The following IFT122 variants were observed in gnomAD, a reference collection of about 807,000 sequenced individuals.
IFT122 encodes the protein intraflagellar transport protein 122 homolog.
In IFT122, 118 loss-of-function variants were observed where a neutral mutation model predicts 161.6. The observed-to-expected ratio is 0.73, with a 90% confidence interval of 0.63 to 0.85. IFT122 has a LOEUF of 0.85. Among genes scored for constraint, IFT122 ranks in the 40% least tolerant of loss-of-function variants. The pLI is 0.00. For synonymous variants in IFT122, 550 were observed against 602.4 expected, an observed-to-expected ratio of 0.91 and a Z score of 1.27; for missense variants, 1,381 against 1,579.6, an observed-to-expected ratio of 0.87 and a Z score of 2.13.
intron 16 of IFT122, among the ~76,000 whole-genome samples, chr3:129,489,458 G>A (rs1415109791): frequency 2.0e-5 from 3 of 152,210 alleles, no homozygotes; most frequent in Non-Finnish European, 4.4e-5. Flanking sequence ...TACTAAACAA[G>A]GGAAGTGATC....
At chr3:129,465,465 CTTTTTTTTTTT>C (rs61439083) in intron 7 of IFT122, among the ~76,000 whole-genome samples, 1 of 101,246 alleles carries the variant, frequency 9.9e-6, no homozygotes, top group South Asian at 3.3e-4. Context: ...ATTATATGCT[CTTTTTTTTTTT>C]TTTTTTTTTT....
At chr3:129,452,674 A>C (rs1190720893) in intron 3 of IFT122, among the ~76,000 whole-genome samples, 1 of 152,240 alleles carries the variant, frequency 6.6e-6, no homozygotes, top group Non-Finnish European at 1.5e-5. Flanking sequence ...TGGGGTGGTC[A>C]GATCATAAAG....
intron 17 of IFT122, among the ~76,000 whole-genome samples, chr3:129,494,868 C>T (rs927638415): frequency 1.1e-4 from 17 of 152,102 alleles, no homozygotes; most frequent in African/African-American, 3.9e-4. Context: ...GTAGTGAGAC[C>T]TACCCTGAGG....
chr3:129,508,301 A>G (rs932208498), intron 23 of IFT122, among the ~76,000 whole-genome samples: 5 of 152,224 alleles, frequency 3.3e-5, no homozygotes, highest in South Asian at 2.1e-4. Flanking sequence ...TCTGGTGGCA[A>G]TGGGGAACAG....
intron 2 of IFT122, among the ~76,000 whole-genome samples, chr3:129,450,165 C>T (rs2074596311): frequency 1.3e-5 from 2 of 152,094 alleles, no homozygotes; most frequent in African/African-American, 4.8e-5. Flanking sequence ...TCATCTTTCC[C>T]TTTTTACTTT....
chr3:129,458,503 C>T lies in IFT122; in HGVS notation c.194-96C>T, dbSNP rs2285349. ...GAACTAGGAAAGAAGCTAACACTTACTAGGTACCTTAAAGAACTAGTTTTC... is the reference window on the plus strand; with the variant it reads ...GAACTAGGAAAGAAGCTAACACTTATTAGGTACCTTAAAGAACTAGTTTTC... On this transcript the variant is annotated intron_variant, in intron 3 of 29. Transcript: ENST00000348417. The T allele has an allele frequency of 0.11, 114,257 of 1,011,792 alleles. 8,405 individuals carry two copies. Among genetic ancestry groups the T allele is most frequent in the South Asian group, 0.25 (19,223 of 77,674 alleles). 62.7% of individuals were successfully genotyped at this position (1,011,792 alleles called of 1,614,324 possible). A position where few individuals can be genotyped will look rare whatever the true frequency, so the allele number is the denominator to read the frequency against.
intron 24 of IFT122, 127 bp from the exon 25 acceptor site, chr3:129,514,262 G>C: frequency 9.8e-7 from 1 of 1,015,258 alleles, no homozygotes; most frequent in African/African-American, 1.6e-5. Context: ...CCTTCCTCAC[G>C]GTCTTTCCTC....
intron 26 of IFT122, 123 bp downstream of exon 26, chr3:129,515,722 A>C (rs2083411244): frequency 2.4e-6 from 2 of 835,938 alleles, no homozygotes; most frequent in Non-Finnish European, 4.1e-6. Flanking sequence ...CCTGTTTATG[A>C]AATGAGGACA....
intron 19 of IFT122, 97 bp downstream of exon 19, chr3:129,500,165 C>A: frequency 7.1e-7 from 1 of 1,411,002 alleles, no homozygotes; most frequent in Non-Finnish European, 1.0e-6. Flanking sequence ...TTCTAATTAT[C>A]TAAAGCTAAT....
rs201494728 is a variant in IFT122 at position 129,457,738 on chromosome 3, T to TG, written c.194-861_194-860insG. Among the ~76,000 whole-genome samples the TG allele has an allele frequency of 5.8e-4, 86 of 147,380 alleles. No individual in the cohort carries two copies. In the East Asian group the frequency reaches 0.015, roughly 26 times the overall value. On this transcript the variant is annotated intron_variant, in intron 3 of 29. Coordinates refer to ENST00000348417, the MANE Select transcript of IFT122 (RefSeq NM_052989.3). ...CAAAACTGGCACAGGAATAGTTTTT[T>TG]TTTTTTTTTTTTTTTGAGATGGAGT...
At chr3:129,471,052 T>C (rs183924654) in intron 9 of IFT122, among the ~76,000 whole-genome samples, 2 of 152,198 alleles carry the variant, frequency 1.3e-5, no homozygotes. Context: ...GGATGACTTA[T>C]TAGTAGGCAG....
rs1437307385 is a variant in IFT122 at position 129,512,429 on chromosome 3, C to G, written c.2987+17C>G. On this transcript the variant is annotated intron_variant, in intron 24 of 29. Coordinates refer to ENST00000348417, the MANE Select transcript of IFT122 (RefSeq NM_052989.3). ...CTCTAAAGTGTATCCTTTCTCTTAT[C>G]CCTCCTCCGTCCCACCACCGTTCTT... 7 of 1,530,372 alleles carry G rather than the reference C, an allele frequency of 4.6e-6. No individual in the cohort carries two copies. The Admixed American group carries it at 5.0e-5, about 11-fold the overall frequency. 94.8% of individuals were successfully genotyped at this position (1,530,372 alleles called of 1,614,324 possible).
intron 19 of IFT122, among the ~76,000 whole-genome samples, chr3:129,501,197 C>T (rs1384967258): frequency 6.6e-6 from 1 of 152,224 alleles, no homozygotes; most frequent in East Asian, 1.9e-4. Context: ...CAGGCTCAAG[C>T]ATGTGCACAC....
chr3:129,464,622 G>T lies in IFT122; in HGVS notation c.417-13G>T. ...TCCCCTATCCCCATGCCTTTTGTTG[G>T]TTGTGTACACAGCTGGACAAATGAT... On this transcript the variant is annotated splice_polypyrimidine_tract_variant and intron_variant, in intron 6 of 29. Transcript: ENST00000348417. 6.2e-7 allele frequency: 1 copy of T among 1,613,020 alleles called. No homozygotes were observed. The highest frequency in any genetic ancestry group is 8.5e-7 in the Non-Finnish European group (1 of 1,179,448).
chr3:129,499,459 A>C (rs1002841354), intron 18 of IFT122, among the ~76,000 whole-genome samples: 1 of 152,222 alleles, frequency 6.6e-6, no homozygotes, highest in African/African-American at 2.4e-5. Flanking sequence ...ATAAGATGAC[A>C]GGTCTCGATA....
chr3:129,519,022 G>C, intron 27 of IFT122, 85 bp from the exon 28 acceptor site: 7 of 1,168,392 alleles, frequency 6.0e-6, no homozygotes, highest in Non-Finnish European at 9.0e-6. Flanking sequence ...GGCTGCCCTT[G>C]AGTCTTCTCA....
chr3:129,444,811 T>C (rs977165170), intron 1 of IFT122, among the ~76,000 whole-genome samples: 1 of 152,204 alleles, frequency 6.6e-6, no homozygotes. Context: ...TGAGCCACCA[T>C]GTCTGGCCAA....
chr3:129,441,728 A>G lies in IFT122; in HGVS notation c.41+1357A>G, dbSNP rs941897621. Among the ~76,000 whole-genome samples the G allele has an allele frequency of 2.6e-5, 4 of 152,224 alleles. No homozygotes were observed. The East Asian group carries it at 7.7e-4, about 29-fold the overall frequency. The stretch of plus-strand genomic sequence containing the variant: ...TAGGAATTGTATGTTTTCCCTAGGA[A>G]TAGTCTTGTATTCTGTACCCCATTT... On this transcript the variant is annotated intron_variant, in intron 1 of 29. Coordinates refer to ENST00000348417, the MANE Select transcript of IFT122 (RefSeq NM_052989.3).
intron 5 of IFT122, chr3:129,463,266 A>ATCATT: frequency 2.7e-6 from 1 of 371,660 alleles, no homozygotes; most frequent in Non-Finnish European, 5.1e-6. Flanking sequence ...GTGACACAGA[A>ATCATT]CTAAGCCATC....
Sources: allele counts gnomAD v4.1 joint callset (sites outside exome capture counted in the v4.1 genomes callset), GRCh38; gene constraint gnomAD v4.1.1; transcripts MANE v1.5; gene names NCBI Gene and HGNC (gene_info 2026-07-23, HGNC 2026-07-21).